The following PHACTR1 variants were observed in gnomAD, a reference collection of about 807,000 sequenced individuals.
PHACTR1 encodes RPEL repeat containing 1.
Under a neutral mutation model 69.2 loss-of-function variants are expected in PHACTR1, and 16 were observed. That is an observed-to-expected ratio of 0.23 (90% CI 0.16 to 0.35). PHACTR1 has a LOEUF of 0.35. Among genes scored for constraint, PHACTR1 ranks in the 10% least tolerant of loss-of-function variants. PHACTR1 has a pLI of 1.00. For synonymous variants in PHACTR1, 312 were observed against 284.5 expected, an observed-to-expected ratio of 1.10 and a Z score of -0.97; for missense variants, 510 against 734.7, an observed-to-expected ratio of 0.69 and a Z score of 3.54.
chr6:12,854,087 G>A (rs1198106977), intron 4 of PHACTR1, among the ~76,000 whole-genome samples: 1 of 152,192 alleles, frequency 6.6e-6, no homozygotes, highest in Non-Finnish European at 1.5e-5. Flanking sequence ...TAAGGCTATA[G>A]TGGGAAGCAA....
chr6:12,747,500 C>CA (rs1444196421), intron 3 of PHACTR1, among the ~76,000 whole-genome samples: 3 of 151,074 alleles, frequency 2.0e-5, no homozygotes, highest in Non-Finnish European at 4.4e-5. Flanking sequence ...CGCATCTCTA[C>CA]AAAAAAGAAA....
chr6:13,237,101 G>C (rs1441079478), intron 10 of PHACTR1, among the ~76,000 whole-genome samples: 2 of 152,158 alleles, frequency 1.3e-5, no homozygotes, highest in Admixed American at 1.3e-4. Context: ...TATAGGACTG[G>C]CACAGTGGCT....
intron 8 of PHACTR1, among the ~76,000 whole-genome samples, chr6:13,224,548 G>A (rs764716252): frequency 3.3e-5 from 5 of 152,052 alleles, no homozygotes; most frequent in East Asian, 1.9e-4. Context: ...CCTTCCTTTC[G>A]GAATGAGAGC....
intron 4 of PHACTR1, among the ~76,000 whole-genome samples, chr6:12,922,015 G>A (rs1787775216): frequency 6.6e-6 from 1 of 152,194 alleles, no homozygotes; most frequent in Admixed American, 6.5e-5. Context: ...ACATCACAAA[G>A]TCACAGTAAA....
chr6:12,848,919 C>CTT, intron 4 of PHACTR1, among the ~76,000 whole-genome samples: 1 of 146,196 alleles, frequency 6.8e-6, no homozygotes, highest in African/African-American at 2.5e-5. Flanking sequence ...GGAAATCAGA[C>CTT]TTTTTTTTTT....
chr6:12,725,401 C>T (rs1328015690), intron 3 of PHACTR1, among the ~76,000 whole-genome samples: 3 of 152,182 alleles, frequency 2.0e-5, no homozygotes, highest in East Asian at 3.8e-4. Flanking sequence ...GGAGACCCAG[C>T]CCCATTGTCA....
At chr6:12,807,581 A>G (rs369959466) in intron 4 of PHACTR1, among the ~76,000 whole-genome samples, 40 of 152,314 alleles carry the variant, frequency 2.6e-4, no homozygotes, top group Admixed American at 1.2e-3. Flanking sequence ...TTGTCAGCAG[A>G]CTGTTTTGTT....
intron 4 of PHACTR1, among the ~76,000 whole-genome samples, chr6:13,039,960 T>A (rs1056860342): frequency 6.6e-6 from 1 of 152,188 alleles, no homozygotes; most frequent in Non-Finnish European, 1.5e-5. Flanking sequence ...CCTTTAAGAT[T>A]ATTTCACCAC....
intron 5 of PHACTR1, among the ~76,000 whole-genome samples, chr6:13,064,600 ATATATC>A (rs1808293691): frequency 0.014 from 105 of 7,502 alleles, 14 homozygotes; most frequent in Middle Eastern, 0.045. Flanking sequence ...ATATATATAT[ATATATC>A]TATATATCTA....
At chr6:13,187,523 T>G (rs1762970908) in intron 7 of PHACTR1, among the ~76,000 whole-genome samples, 1 of 152,190 alleles carries the variant, frequency 6.6e-6, no homozygotes, top group African/African-American at 2.4e-5. Flanking sequence ...GAAAAAGGCA[T>G]AAAAAGATTT....
chr6:12,868,692 G>A (rs2127436633), intron 4 of PHACTR1, among the ~76,000 whole-genome samples: 1 of 152,234 alleles, frequency 6.6e-6, no homozygotes, highest in South Asian at 2.1e-4. Flanking sequence ...TCTGAAAATA[G>A]CAAAAAGCAT....
At chr6:12,923,190 G>A (rs926514320) in intron 4 of PHACTR1, among the ~76,000 whole-genome samples, 1 of 152,142 alleles carries the variant, frequency 6.6e-6, no homozygotes, top group Non-Finnish European at 1.5e-5. Context: ...GCCCAAACTA[G>A]AAGAGATGAG....
chr6:13,135,156 T>G (rs1397671863), intron 5 of PHACTR1, among the ~76,000 whole-genome samples: 2 of 152,224 alleles, frequency 1.3e-5, no homozygotes, highest in African/African-American at 4.8e-5. Context: ...ACCGTTTTCC[T>G]GAGGGCAGAA....
intron 4 of PHACTR1, among the ~76,000 whole-genome samples, chr6:12,754,962 A>G (rs1767125946): frequency 1.3e-5 from 2 of 152,210 alleles, no homozygotes; most frequent in Admixed American, 6.5e-5. Flanking sequence ...TGTTATTCGC[A>G]GGGGATCTTG....
rs575615960 is a variant in PHACTR1, at chr6:12,991,012, G to T, written c.251-62353G>T. Among the ~76,000 whole-genome samples the T allele has an allele frequency of 2.2e-4, 34 of 152,256 alleles. No individual in the cohort carries two copies. The South Asian group carries it at 6.9e-3, about 31-fold the overall frequency. ...TATGGGCACAGGATAGCAGGGCGAG[G>T]CAGGCCAAAAAGGCAACATTTGGGC... On this transcript the variant is annotated intron_variant, in intron 4 of 14. Coordinates refer to ENST00000332995, the MANE Select transcript of PHACTR1 (RefSeq NM_030948.6).
intron 4 of PHACTR1, among the ~76,000 whole-genome samples, chr6:12,817,598 A>T (rs1775729295): frequency 6.6e-6 from 1 of 152,186 alleles, no homozygotes; most frequent in Non-Finnish European, 1.5e-5. Flanking sequence ...AGTAGCTGGG[A>T]TGGAGTAACT....
intron 4 of PHACTR1, among the ~76,000 whole-genome samples, chr6:12,970,845 T>C (rs1275343382): frequency 6.6e-6 from 1 of 152,226 alleles, no homozygotes; most frequent in East Asian, 1.9e-4. Context: ...AATTAAACAT[T>C]ACAATTAATT....
At chr6:13,018,024 T>G (rs1800432098) in intron 4 of PHACTR1, among the ~76,000 whole-genome samples, 2 of 152,202 alleles carry the variant, frequency 1.3e-5, no homozygotes, top group African/African-American at 4.8e-5. Flanking sequence ...TTGCTAGATG[T>G]TTTCCCAAGT....
At chr6:12,896,662 A>G (rs1784699965) in intron 4 of PHACTR1, among the ~76,000 whole-genome samples, 1 of 152,246 alleles carries the variant, frequency 6.6e-6, no homozygotes, top group Non-Finnish European at 1.5e-5. Flanking sequence ...TAAACAGCAG[A>G]GAAACATTCT....
Sources: gnomAD v4.1 joint callset for allele counts (sites outside exome capture counted in the v4.1 genomes callset) on GRCh38, gnomAD v4.1.1 for gene constraint, MANE v1.5 for transcripts, NCBI Gene and HGNC (gene_info 2026-07-23, HGNC 2026-07-21) for gene names.